DLGAP2: variants seen among roughly 807,000 people sequenced by gnomAD.
DLGAP2 encodes the protein DLG associated protein 2.
Under a neutral mutation model 100.3 loss-of-function variants are expected in DLGAP2, and 26 were observed. The observed-to-expected ratio is 0.26, with a 90% CI of 0.19 to 0.36. The LOEUF is 0.36. DLGAP2 is among the 10% of genes least tolerant of loss of function. The pLI is 1.00. For synonymous variants in DLGAP2, 886 were observed against 630.1 expected, an observed-to-expected ratio of 1.41 and a Z score of -6.08; for missense variants, 1,858 against 1,453.2, an observed-to-expected ratio of 1.28 and a Z score of -4.53.
At chr8:1,179,015 C>CTG (rs1797323175) in intron 2 of DLGAP2, among the ~76,000 whole-genome samples, 1 of 152,204 alleles carries the variant, frequency 6.6e-6, no homozygotes, top group African/African-American at 2.4e-5. Flanking sequence ...CGAGCCCCTG[C>CTG]TGTAAAACTC....
At chr8:1,366,644 G>A (rs1802115103) in intron 3 of DLGAP2, among the ~76,000 whole-genome samples, 1 of 152,138 alleles carries the variant, frequency 6.6e-6, no homozygotes, top group South Asian at 2.1e-4. Context: ...GCGTGGAGAG[G>A]TGGCAGAATT....
intron 2 of DLGAP2, chr8:1,137,243 C>G (rs1020611532): frequency 6.6e-6 from 1 of 152,340 alleles, no homozygotes; most frequent in African/African-American, 2.4e-5. Context: ...AGACACCAGT[C>G]CTATTGAATT....
intron 1 of DLGAP2, among the ~76,000 whole-genome samples, chr8:767,348 GTT>G (rs35944301): frequency 3.4e-5 from 4 of 117,920 alleles, no homozygotes; most frequent in Admixed American, 9.2e-5. Context: ...GCTGTTGACT[GTT>G]TTTTTTTTTT....
chr8:1,428,675 T>C (rs558592019), intron 3 of DLGAP2, among the ~76,000 whole-genome samples: 3 of 152,382 alleles, frequency 2.0e-5, no homozygotes, highest in African/African-American at 7.2e-5. Flanking sequence ...AACACAGTGA[T>C]GGCTCTCAAT....
At chr8:1,196,421 T>G (rs1797750663) in intron 2 of DLGAP2, among the ~76,000 whole-genome samples, 1 of 152,162 alleles carries the variant, frequency 6.6e-6, no homozygotes, top group Admixed American at 6.5e-5. Context: ...GTGTGTGATG[T>G]TAATGCTGAG....
At chr8:775,385 T>G (rs1821488657) in intron 1 of DLGAP2, among the ~76,000 whole-genome samples, 1 of 149,636 alleles carries the variant, frequency 6.7e-6, no homozygotes, top group Non-Finnish European at 1.5e-5. Flanking sequence ...TCCAACACTG[T>G]GTTGAATAGG....
intron 3 of DLGAP2, among the ~76,000 whole-genome samples, chr8:1,473,543 G>C (rs1162826019): frequency 6.6e-6 from 1 of 152,212 alleles, no homozygotes; most frequent in East Asian, 1.9e-4. Flanking sequence ...TGGTTTCCAG[G>C]GGCTGGAGAC....
intron 2 of DLGAP2, chr8:910,242 C>T (rs998523674): frequency 7.2e-5 from 11 of 152,146 alleles, no homozygotes; most frequent in Non-Finnish European, 1.6e-4. Flanking sequence ...ACTTTTTTCT[C>T]GTTTGGTTTT....
intron 3 of DLGAP2, among the ~76,000 whole-genome samples, chr8:1,500,934 T>C (rs1799699856): frequency 6.6e-6 from 1 of 152,192 alleles, no homozygotes; most frequent in African/African-American, 2.4e-5. Context: ...GCATGAAGCT[T>C]TCTAGACCGG....
intron 2 of DLGAP2, among the ~76,000 whole-genome samples, chr8:1,254,596 G>A (rs550236878): frequency 3.3e-5 from 5 of 152,216 alleles, no homozygotes; most frequent in Admixed American, 6.5e-5. Flanking sequence ...ACGGCTTCTC[G>A]CATCTGCATT....
intron 4 of DLGAP2, 49 bp from the exon 5 acceptor site, chr8:1,548,577 G>A (rs1176100834): frequency 7.0e-7 from 1 of 1,433,928 alleles, no homozygotes; most frequent in Non-Finnish European, 9.2e-7. Flanking sequence ...GCACCTGAGG[G>A]TTTCCGCCGC....
intron 2 of DLGAP2, among the ~76,000 whole-genome samples, chr8:1,218,653 C>T (rs1798258770): frequency 2.6e-5 from 4 of 151,728 alleles, no homozygotes; most frequent in South Asian, 4.2e-4. Flanking sequence ...TAGAATAGTT[C>T]TAATTATATG....
chr8:893,864 G>C (rs1394824712), intron 1 of DLGAP2, among the ~76,000 whole-genome samples: 2 of 152,254 alleles, frequency 1.3e-5, no homozygotes, highest in African/African-American at 4.8e-5. Flanking sequence ...TCCTCTTGCT[G>C]TGACAATGCG....
At chr8:945,618 G>A (rs187992409) in intron 2 of DLGAP2, among the ~76,000 whole-genome samples, 23 of 152,240 alleles carry the variant, frequency 1.5e-4, no homozygotes, top group Admixed American at 1.4e-3. Context: ...TTGTGTAAGA[G>A]TTTGTTCCCC....
chr8:1,550,563 C>T lies in DLGAP2; in HGVS notation c.1230+880C>T, dbSNP rs1034375010. ...GCCTGCGACATTCGTGAGTTCACTC[C>T]CTGCACCTGGCCACAGCCTCTCTAA... is the stretch of plus-strand genomic sequence containing the variant. On this transcript the variant is annotated intron_variant, in intron 5 of 14. Coordinates refer to ENST00000637795, the MANE Select transcript of DLGAP2 (RefSeq NM_001346810.2). Among the ~76,000 whole-genome samples, 4 of 152,130 alleles carry T rather than the reference C, an allele frequency of 2.6e-5. 1 individual carries two copies. Among genetic ancestry groups the T allele is most frequent in the Non-Finnish European group, 5.9e-5 (4 of 68,030 alleles).
chr8:1,185,965 C>G (rs1301865014), intron 2 of DLGAP2, among the ~76,000 whole-genome samples: 3 of 152,176 alleles, frequency 2.0e-5, no homozygotes. Context: ...CCTCCTGTCA[C>G]CTCCCTCCAG....
chr8:1,262,323 C>T (rs12677539), intron 3 of DLGAP2: 26,690 of 152,002 alleles, frequency 0.18, 2,713 homozygotes, highest in East Asian at 0.41. Context: ...TTCTGTATTA[C>T]GAGGTTTTGA....
At chr8:1,653,743 C>T (rs1288677583) in intron 8 of DLGAP2, among the ~76,000 whole-genome samples, 1 of 151,756 alleles carries the variant, frequency 6.6e-6, no homozygotes, top group Non-Finnish European at 1.5e-5. Flanking sequence ...TCCTGTATTT[C>T]CTTTTCCATT....
intron 2 of DLGAP2, among the ~76,000 whole-genome samples, chr8:981,449 G>T (rs1036296922): frequency 6.6e-6 from 1 of 152,128 alleles, no homozygotes; most frequent in Non-Finnish European, 1.5e-5. Flanking sequence ...GTATCTAGGA[G>T]TGGAAGCGCT....
Sources: allele counts gnomAD v4.1 joint callset (sites outside exome capture counted in the v4.1 genomes callset), GRCh38; gene constraint gnomAD v4.1.1; transcripts MANE v1.5; gene names NCBI Gene and HGNC (gene_info 2026-07-23, HGNC 2026-07-21).